Variants in DOCK1 observed in about 807,000 individuals in gnomAD.
DOCK1 encodes dedicator of cytokinesis 1.
A neutral mutation model predicts 262.7 loss-of-function variants in DOCK1; 138 were observed. The observed-to-expected ratio is 0.53, with a 90% CI of 0.46 to 0.61. The LOEUF is 0.61. Ranked by LOEUF, DOCK1 falls within the 20% of genes least tolerant of loss-of-function variation. DOCK1 has a pLI of 0.00. For missense variants in DOCK1, 1,908 were observed against 2,370.7 expected (o/e 0.80, Z 4.05); for synonymous variants, 866 against 867.4 (o/e 1.00, Z 0.03).
intron 29 of DOCK1, among the ~76,000 whole-genome samples, chr10:127,306,435 C>T (rs961193058): frequency 1.3e-5 from 2 of 152,146 alleles, no homozygotes; most frequent in Non-Finnish European, 1.5e-5. Flanking sequence ...TCTGAATGGA[C>T]TGTTGATGCT....
chr10:127,442,901 G>T (rs761794220), intron 49 of DOCK1, among the ~76,000 whole-genome samples: 1 of 152,202 alleles, frequency 6.6e-6, no homozygotes, highest in Non-Finnish European at 1.5e-5. Context: ...GGTCACCTGC[G>T]ATGTGCTGTC....
chr10:127,018,978 G>A, intron 13 of DOCK1, 143 bp downstream of exon 13: 1 of 1,269,110 alleles, frequency 7.9e-7, no homozygotes, highest in Non-Finnish European at 1.1e-6. Context: ...CCCCAGCATG[G>A]TTATGGATCA....
chr10:127,276,010 C>A (rs1419691090), intron 29 of DOCK1, among the ~76,000 whole-genome samples: 2 of 152,202 alleles, frequency 1.3e-5, no homozygotes, highest in Non-Finnish European at 2.9e-5. Context: ...CCTGGAGAGG[C>A]CTCACAAGTA....
chr10:126,998,810 A>G (rs901294299), intron 8 of DOCK1: 7 of 157,584 alleles, frequency 4.4e-5, no homozygotes, highest in South Asian at 1.9e-4. Context: ...GATGGAAACA[A>G]TGTGGTTCAA....
At chr10:127,065,203 G>T (rs2045788010) in intron 23 of DOCK1, among the ~76,000 whole-genome samples, 1 of 151,970 alleles carries the variant, frequency 6.6e-6, no homozygotes, top group Non-Finnish European at 1.5e-5. Flanking sequence ...TAGAGACGGG[G>T]TTTCACCATG....
At chr10:127,108,286 TAAAA>T (rs2048658714) in intron 24 of DOCK1, among the ~76,000 whole-genome samples, 1 of 152,058 alleles carries the variant, frequency 6.6e-6, no homozygotes, top group African/African-American at 2.4e-5. Context: ...CACACACACT[TAAAA>T]AAGTCACCAT....
At chr10:127,298,692 A>G (rs2766032) in intron 29 of DOCK1, among the ~76,000 whole-genome samples, 41,792 of 152,094 alleles carry the variant, frequency 0.27, 6,782 homozygotes, top group African/African-American at 0.46. Context: ...AATTGTTAGC[A>G]GTTGATTTCG....
chr10:127,367,299 G>A (rs1311003882), intron 33 of DOCK1, among the ~76,000 whole-genome samples: 3 of 152,080 alleles, frequency 2.0e-5, no homozygotes, highest in South Asian at 2.1e-4. Flanking sequence ...CTCCACTTGT[G>A]CAAGAAAGAG....
At position 127,293,663 on chromosome 10, in the gene DOCK1, C is replaced by T. The variant is rs61620568; in HGVS notation, c.3044+36234C>T. On this transcript the variant is annotated intron_variant, in intron 29 of 51. Transcript: ENST00000623213. ...TGGGTCTGGGGACATGGGATGAGGG[C>T]GACTTGCCTGCCCTATGAACCAGAA... 3.1e-3 allele frequency among the ~76,000 whole-genome samples: 476 copies of T among 152,256 alleles called. 4 individuals carry two copies. The highest frequency in any genetic ancestry group is 0.011 in the African/African-American group (458 of 41,558).
At chr10:127,017,442 CACAG>C (rs1025811926) in intron 12 of DOCK1, among the ~76,000 whole-genome samples, 20 of 151,514 alleles carry the variant, frequency 1.3e-4, no homozygotes, top group South Asian at 6.4e-4. Context: ...GATACAGAAA[CACAG>C]ACAGACACAG....
intron 27 of DOCK1, among the ~76,000 whole-genome samples, chr10:127,223,760 A>G (rs531932564): frequency 2.0e-5 from 3 of 152,294 alleles, no homozygotes; most frequent in South Asian, 2.1e-4. Context: ...TTGTTCGTAT[A>G]AAGAAGTGAG....
At chr10:127,265,482 A>G (rs1173945033) in intron 29 of DOCK1, among the ~76,000 whole-genome samples, 1 of 151,782 alleles carries the variant, frequency 6.6e-6, no homozygotes, top group Non-Finnish European at 1.5e-5. Context: ...TCTTGACCTC[A>G]TTTTGACAAC....
At chr10:127,322,682 T>A (rs1198708068) in intron 29 of DOCK1, among the ~76,000 whole-genome samples, 3 of 152,268 alleles carry the variant, frequency 2.0e-5, no homozygotes, top group African/African-American at 7.2e-5. Flanking sequence ...AATTTTGCTG[T>A]CTATACATAA....
chr10:127,190,657 T>G (rs1564887579), intron 27 of DOCK1, among the ~76,000 whole-genome samples: 1 of 28,436 alleles, frequency 3.5e-5, no homozygotes, highest in Admixed American at 4.3e-4. Context: ...TTAATAGAAA[T>G]CCTATCTTCC....
chr10:127,085,323 A>C (rs1591962619), intron 23 of DOCK1, among the ~76,000 whole-genome samples: 1 of 152,190 alleles, frequency 6.6e-6, no homozygotes, highest in East Asian at 1.9e-4. Flanking sequence ...ATCAGTGGGC[A>C]GGGGGTACAG....
chr10:127,226,056 C>T (rs1452995115), intron 27 of DOCK1, among the ~76,000 whole-genome samples: 2 of 136,590 alleles, frequency 1.5e-5, no homozygotes, highest in Non-Finnish European at 3.1e-5. Flanking sequence ...CCAGCCGGGG[C>T]GATAGTGCGA....
At position 127,200,732 on chromosome 10, in the gene DOCK1, G is replaced by A. The variant is rs537745216; in HGVS notation, c.2848-47276G>A. ...TTATCTTTAAAGTAAAATTAGGAAC[G>A]CCTTTGTTCTCAGGATGTCTGGATA... On this transcript the variant is annotated intron_variant, in intron 27 of 51. Transcript: ENST00000623213. Among the ~76,000 whole-genome samples the A allele has an allele frequency of 1.7e-4, 26 of 152,278 alleles. No individual in the cohort carries two copies. In the East Asian group the frequency reaches 2.9e-3, roughly 17 times the overall value.
At chr10:127,320,762 T>A (rs761716168) in intron 29 of DOCK1, among the ~76,000 whole-genome samples, 1 of 152,196 alleles carries the variant, frequency 6.6e-6, no homozygotes, top group Non-Finnish European at 1.5e-5. Flanking sequence ...GCACTAGGTG[T>A]GGCAGGTGTA....
At chr10:127,405,033 T>G (rs987911213) in intron 40 of DOCK1, among the ~76,000 whole-genome samples, 5 of 152,228 alleles carry the variant, frequency 3.3e-5, no homozygotes. Flanking sequence ...AACTTTATCC[T>G]TTTTGAGGCT....
Sources: allele counts gnomAD v4.1 joint callset (sites outside exome capture counted in the v4.1 genomes callset), GRCh38; gene constraint gnomAD v4.1.1; transcripts MANE v1.5; gene names NCBI Gene and HGNC (gene_info 2026-07-23, HGNC 2026-07-21).